The following FOXP4 variants were observed in gnomAD, a reference collection of about 807,000 sequenced individuals.
The protein encoded by FOXP4 is forkhead box P4.
A neutral mutation model predicts 82.6 loss-of-function variants in FOXP4; 25 were observed. The ratio of observed to expected loss-of-function variants is 0.30; its 90% CI spans 0.22 to 0.42. The LOEUF (loss-of-function observed/expected upper bound fraction) is 0.42, where lower values mean the gene tolerates loss of function less well. FOXP4 is among the 10% of genes least tolerant of loss of function. The pLI is 1.00. For missense variants in FOXP4, 785 were observed against 900.9 expected, an observed-to-expected ratio of 0.87 and a Z score of 1.65; for synonymous variants, 415 against 388.2, an observed-to-expected ratio of 1.07 and a Z score of -0.81.
chr6:41,554,563 G>A (rs1224448147), intron 1 of FOXP4, among the ~76,000 whole-genome samples: 1 of 152,130 alleles, frequency 6.6e-6, no homozygotes, highest in Non-Finnish European at 1.5e-5. Context: ...GTGTCTGAAG[G>A]ACTCTGCAGG....
At chr6:41,592,867 G>C (rs1045200302) in intron 13 of FOXP4, among the ~76,000 whole-genome samples, 24 of 152,036 alleles carry the variant, frequency 1.6e-4, no homozygotes, top group Admixed American at 4.6e-4. Flanking sequence ...CCCTTGCCCA[G>C]CCCAGCCTTT....
At chr6:41,586,204 C>G (rs1041857666) in intron 5 of FOXP4, among the ~76,000 whole-genome samples, 1 of 152,090 alleles carries the variant, frequency 6.6e-6, no homozygotes, top group Non-Finnish European at 1.5e-5. Context: ...CTTGTAATTG[C>G]TGTGTTATCA....
intron 2 of FOXP4, among the ~76,000 whole-genome samples, chr6:41,575,082 C>T (rs562146062): frequency 1.3e-5 from 2 of 152,318 alleles, no homozygotes; most frequent in South Asian, 2.1e-4. Context: ...CATCATTCTG[C>T]CTCAGCCTCT....
At chr6:41,597,595 C>A (rs190551516) in intron 15 of FOXP4, among the ~76,000 whole-genome samples, 186 bp from the exon 16 acceptor site, 1 of 152,032 alleles carries the variant, frequency 6.6e-6, no homozygotes, top group Non-Finnish European at 1.5e-5. Flanking sequence ...GAGTTCCAGC[C>A]ATGGGGGAGG....
intron 1 of FOXP4, among the ~76,000 whole-genome samples, chr6:41,555,423 C>T (rs1052584339): frequency 2.6e-5 from 4 of 152,188 alleles, no homozygotes; most frequent in South Asian, 2.1e-4. Flanking sequence ...TTGCCCCCTA[C>T]ATCTGAGGAA....
chr6:41,579,572 T>G (rs1011864936), intron 3 of FOXP4, among the ~76,000 whole-genome samples: 1 of 152,012 alleles, frequency 6.6e-6, no homozygotes, highest in Admixed American at 6.5e-5. Context: ...GGGTAAGACA[T>G]CTAGAAGGAC....
chr6:41,564,739 T>C (rs1359666955), intron 1 of FOXP4, among the ~76,000 whole-genome samples: 1 of 152,142 alleles, frequency 6.6e-6, no homozygotes, highest in Non-Finnish European at 1.5e-5. Context: ...GAGAGTGAGT[T>C]AACCTTACTG....
At position 41,601,600 on chromosome 6, in the gene FOXP4, G is replaced by C. The variant is rs979046023; in HGVS notation, c.*2664G>C. ...TGATTCTCCTGCCTCAGCCTCCCAAGTAGCTGGGATTACAGGCGTGCACCA... is the reference window on the plus strand; with the variant it reads ...TGATTCTCCTGCCTCAGCCTCCCAACTAGCTGGGATTACAGGCGTGCACCA... On this transcript the variant is annotated 3_prime_UTR_variant, in exon 17 of 17. Transcript: ENST00000307972. 3 of 152,200 alleles carry C rather than the reference G, an allele frequency of 2.0e-5. No homozygotes were observed. Among genetic ancestry groups the C allele is most frequent in the Non-Finnish European group, 4.4e-5 (3 of 68,098 alleles). The allele number at this position is 152,200 out of a possible 1,614,324, so 9.4% of individuals were successfully genotyped here. A position where few individuals can be genotyped will look rare whatever the true frequency, so the allele number is the denominator to read the frequency against.
At chr6:41,552,493 C>G (rs980125939) in intron 1 of FOXP4, among the ~76,000 whole-genome samples, 5 of 152,160 alleles carry the variant, frequency 3.3e-5, no homozygotes, top group African/African-American at 1.2e-4. Flanking sequence ...AGCCTCTGAG[C>G]TTTCTTTCCC....
At position 41,593,570 on chromosome 6, in the gene FOXP4, G is replaced by A. The variant is rs1001394229; in HGVS notation, c.1537-1300G>A. ...AAAAAGCCCCGGTGAGGCCATCCTC[G>A]GAAATTGGGGTCATTCTCATTTGCA... On this transcript the variant is annotated intron_variant, in intron 13 of 16. Transcript: ENST00000307972. The surrounding 1 kb of genome is among the most constrained non-coding windows in gnomAD (Gnocchi z 4.1). 3.9e-5 allele frequency among the ~76,000 whole-genome samples: 6 copies of A among 152,228 alleles called. No homozygotes were observed. Among genetic ancestry groups the A allele is most frequent in the Admixed American group, 6.5e-5 (1 of 15,292 alleles).
chr6:41,566,031 T>C, intron 2 of FOXP4, 67 bp downstream of exon 2: 1 of 1,489,664 alleles, frequency 6.7e-7, no homozygotes, highest in South Asian at 1.3e-5. Flanking sequence ...TTCCACTTCA[T>C]CCTGGCTGCT....
chr6:41,570,424 G>T, intron 2 of FOXP4: 1 of 470,890 alleles, frequency 2.1e-6, no homozygotes, highest in South Asian at 1.6e-5. Flanking sequence ...GAGGTGGGAG[G>T]AGCTGGGGAG....
Position 41,602,069 on chromosome 6 carries a change from T to A in FOXP4, c.*3133T>A, listed in dbSNP as rs1767229620. The stretch of plus-strand genomic sequence containing the variant: ...CCATCTATTTCTGTCTGTCGCTCAC[T>A]CGCCCCGCTTTCTCTGTCTCACCTT... On this transcript the variant is annotated 3_prime_UTR_variant, in exon 17 of 17. Coordinates refer to ENST00000307972, the MANE Select transcript of FOXP4 (RefSeq NM_001012426.2). The A allele has an allele frequency of 6.6e-6, 1 of 152,480 alleles. No homozygotes were observed. Among genetic ancestry groups the A allele is most frequent in the African/African-American group, 2.4e-5 (1 of 41,468 alleles). The allele number at this position is 152,480 out of a possible 1,614,324, so 9.4% of individuals were successfully genotyped here. A position where few individuals can be genotyped will look rare whatever the true frequency, so the allele number is the denominator to read the frequency against.
At chr6:41,553,635 T>G (rs1764120478) in intron 1 of FOXP4, among the ~76,000 whole-genome samples, 2 of 152,194 alleles carry the variant, frequency 1.3e-5, no homozygotes, top group Non-Finnish European at 2.9e-5. Context: ...TTTGGGAATT[T>G]GGCCGTGATC....
intron 2 of FOXP4, among the ~76,000 whole-genome samples, chr6:41,573,699 C>T (rs187910910): frequency 6.6e-6 from 1 of 152,266 alleles, no homozygotes; most frequent in Admixed American, 6.5e-5. Flanking sequence ...TGCACAGTCC[C>T]ACATGCTGTT....
intron 1 of FOXP4, among the ~76,000 whole-genome samples, chr6:41,547,194 G>A (rs1475841430): frequency 6.6e-6 from 1 of 151,904 alleles, no homozygotes; most frequent in Non-Finnish European, 1.5e-5. Flanking sequence ...CCGGGGCGGG[G>A]AGGGGGGCGG....
intron 3 of FOXP4, among the ~76,000 whole-genome samples, 168 bp downstream of exon 3, chr6:41,578,249 C>T (rs1260147460): frequency 6.6e-6 from 1 of 152,166 alleles, no homozygotes; most frequent in Non-Finnish European, 1.5e-5. Context: ...AAAAAGGCTT[C>T]CCACTTTCTC....
At chr6:41,556,474 G>A (rs1446598335) in intron 1 of FOXP4, among the ~76,000 whole-genome samples, 4 of 151,800 alleles carry the variant, frequency 2.6e-5, no homozygotes, top group African/African-American at 9.7e-5. Flanking sequence ...ACAGGCGCCC[G>A]CCAACACGCC....
In FOXP4 at chr6:41,558,247, C is replaced by T. The variant is rs941516578; in HGVS notation, c.-16-7498C>T. Among the ~76,000 whole-genome samples, 2 of 152,198 alleles carry T rather than the reference C, an allele frequency of 1.3e-5. No homozygotes were observed. The highest frequency in any genetic ancestry group is 2.4e-5 in the African/African-American group (1 of 41,438). ...GAAACTGCTGGCACGATCAGGGAGC[C>T]AAGCAGTGCGTGACTCACATCACCC... On this transcript the variant is annotated intron_variant, in intron 1 of 16. Transcript: ENST00000307972. This position sits in a 1 kb window ranked among gnomAD's most constrained non-coding sequence, Gnocchi z 4.0.
Sources: allele counts gnomAD v4.1 joint callset (sites outside exome capture counted in the v4.1 genomes callset), GRCh38; gene constraint gnomAD v4.1.1; non-coding constraint Gnocchi (gnomAD v3.1); transcripts MANE v1.5; gene names NCBI Gene and HGNC (gene_info 2026-07-23, HGNC 2026-07-21).